Variants in DPP10 observed in about 807,000 individuals in gnomAD.
DPP10 encodes the protein inactive dipeptidyl peptidase 10.
A neutral mutation model predicts 120.9 loss-of-function variants in DPP10; 33 were observed. The ratio of observed to expected loss-of-function variants is 0.27; its 90% CI spans 0.21 to 0.37. The LOEUF is 0.37. Ranked by LOEUF, DPP10 falls within the 10% of genes least tolerant of loss-of-function variation. The probability of loss-of-function intolerance (pLI) is 1.00; values close to 1 mark genes in which losing one functional copy is unlikely to be tolerated. For synonymous variants in DPP10, 337 were observed against 326.1 expected, an observed-to-expected ratio of 1.03 and a Z score of -0.36; for missense variants, 816 against 942.8, an observed-to-expected ratio of 0.87 and a Z score of 1.76.
intron 5 of DPP10, chr2:115,526,198 A>T: frequency 2.4e-6 from 1 of 415,726 alleles, no homozygotes; most frequent in East Asian, 4.1e-5. Context: ...GCCTGTGCTG[A>T]TCCAAGTCCA....
At chr2:114,936,464 CAT>C (rs758569438) in intron 1 of DPP10, among the ~76,000 whole-genome samples, 5 of 150,820 alleles carry the variant, frequency 3.3e-5, no homozygotes, top group African/African-American at 4.9e-5. Context: ...TATACATAAA[CAT>C]ATATATTTTT....
chr2:114,462,267 C>A, intron 1 of DPP10: 2 of 440,210 alleles, frequency 4.5e-6, no homozygotes, highest in Non-Finnish European at 6.0e-6. Context: ...TACTATAGTA[C>A]ATTTGTCACA....
chr2:115,218,903 A>G (rs2105400239), intron 1 of DPP10, among the ~76,000 whole-genome samples: 1 of 152,216 alleles, frequency 6.6e-6, no homozygotes, highest in East Asian at 1.9e-4. Context: ...AAGAGGGACC[A>G]ATATCATATG....
chr2:115,602,476 A>C (rs1338061233), intron 5 of DPP10, among the ~76,000 whole-genome samples: 1 of 152,248 alleles, frequency 6.6e-6, no homozygotes, highest in Non-Finnish European at 1.5e-5. Context: ...AGGAAATGAT[A>C]TCATTCAACA....
chr2:114,730,404 AC>A (rs1410437454), intron 1 of DPP10, among the ~76,000 whole-genome samples: 1 of 152,212 alleles, frequency 6.6e-6, no homozygotes, highest in African/African-American at 2.4e-5. Flanking sequence ...TTCAGGAGGG[AC>A]AGTACTTTGG....
chr2:114,742,792 G>A (rs1430748850), intron 1 of DPP10, among the ~76,000 whole-genome samples: 1 of 152,192 alleles, frequency 6.6e-6, no homozygotes, highest in Non-Finnish European at 1.5e-5. Flanking sequence ...CAGTCCATCA[G>A]CAACTTTGCT....
At chr2:115,127,892 CATT>C (rs1401986210) in intron 1 of DPP10, among the ~76,000 whole-genome samples, 3 of 152,150 alleles carry the variant, frequency 2.0e-5, no homozygotes, top group African/African-American at 7.2e-5. Flanking sequence ...TATGTCAACT[CATT>C]ATACCTAGTT....
At chr2:115,023,882 T>C (rs916577758) in intron 1 of DPP10, among the ~76,000 whole-genome samples, 1 of 152,118 alleles carries the variant, frequency 6.6e-6, no homozygotes, top group Non-Finnish European at 1.5e-5. Flanking sequence ...AATTGGAGAC[T>C]ATTTTTTAAG....
At chr2:115,724,034 A>G (rs186292147) in intron 7 of DPP10, among the ~76,000 whole-genome samples, 1 of 152,218 alleles carries the variant, frequency 6.6e-6, no homozygotes, top group Non-Finnish European at 1.5e-5. Flanking sequence ...CTAATGTTTA[A>G]TTATGTATCT....
intron 4 of DPP10, among the ~76,000 whole-genome samples, chr2:115,501,652 G>A (rs929194062): frequency 6.6e-6 from 1 of 151,986 alleles, no homozygotes; most frequent in African/African-American, 2.4e-5. Context: ...TAAATTCGAT[G>A]TCGGGCAGGG....
At chr2:115,140,812 A>T (rs2050887954) in intron 1 of DPP10, among the ~76,000 whole-genome samples, 1 of 151,986 alleles carries the variant, frequency 6.6e-6, no homozygotes, top group African/African-American at 2.4e-5. Context: ...ATTTACTGAA[A>T]TGGAGTTGAT....
intron 1 of DPP10, among the ~76,000 whole-genome samples, chr2:114,536,725 G>A (rs1252463236): frequency 6.6e-6 from 1 of 152,040 alleles, no homozygotes. Context: ...TGTTCTTCAT[G>A]AGCTGTTTAA....
chr2:114,745,266 A>G (rs913712141), intron 1 of DPP10, among the ~76,000 whole-genome samples: 6 of 152,360 alleles, frequency 3.9e-5, no homozygotes, highest in Admixed American at 3.3e-4. Context: ...TCTAAAAGAA[A>G]CATGTGGATG....
chr2:115,746,462 G>A (rs930839912), intron 10 of DPP10, among the ~76,000 whole-genome samples: 6 of 152,090 alleles, frequency 3.9e-5, no homozygotes, highest in Non-Finnish European at 7.4e-5. Context: ...GGGAACAAAA[G>A]ATCATTTTCC....
intron 7 of DPP10, 90 bp downstream of exon 7, chr2:115,690,011 C>A: frequency 1.5e-6 from 2 of 1,318,354 alleles, no homozygotes; most frequent in Non-Finnish European, 1.1e-6. Context: ...CATAGGAAAA[C>A]TTGTCCTACA....
At chr2:115,189,825 G>T (rs937854411) in intron 1 of DPP10, among the ~76,000 whole-genome samples, 1 of 152,046 alleles carries the variant, frequency 6.6e-6, no homozygotes, top group Non-Finnish European at 1.5e-5. Flanking sequence ...TCTACGCTGC[G>T]AGAGAAGTAA....
chr2:115,078,575 T>C (rs1056370025), intron 1 of DPP10, among the ~76,000 whole-genome samples: 2 of 152,324 alleles, frequency 1.3e-5, no homozygotes, highest in Non-Finnish European at 1.5e-5. Context: ...ATTATTTAAG[T>C]AGTATGCTAA....
chr2:115,771,920 G>C (rs1454761888), intron 13 of DPP10, among the ~76,000 whole-genome samples: 2 of 152,090 alleles, frequency 1.3e-5, no homozygotes, highest in Admixed American at 1.3e-4. Context: ...ATTAATTAGA[G>C]ACCAAGCTAG....
intron 1 of DPP10, among the ~76,000 whole-genome samples, chr2:115,008,131 G>T (rs1181578472): frequency 7.4e-6 from 1 of 135,982 alleles, no homozygotes; most frequent in Non-Finnish European, 1.6e-5. Flanking sequence ...TCAATCCTAA[G>T]CCAAAAGAAC....
Sources: gnomAD v4.1 joint callset for allele counts (sites outside exome capture counted in the v4.1 genomes callset) on GRCh38, gnomAD v4.1.1 for gene constraint, MANE v1.5 for transcripts, NCBI Gene and HGNC (gene_info 2026-07-23, HGNC 2026-07-21) for gene names.